The following CCDC178 variants were observed in gnomAD, a reference collection of about 807,000 sequenced individuals.
CCDC178 encodes the protein coiled-coil domain-containing protein 178.
Under a neutral mutation model 117.4 loss-of-function variants are expected in CCDC178, and 126 were observed. The observed-to-expected ratio is 1.07, with a 90% CI of 0.93 to 1.24. The LOEUF is 1.24. Ranked by LOEUF, CCDC178 falls within the 50% of genes most tolerant of loss-of-function variation. The probability of loss-of-function intolerance (pLI) is 0.00; values close to 1 mark genes in which losing one functional copy is unlikely to be tolerated. For synonymous variants in CCDC178, 283 were observed against 313.4 expected (o/e 0.90, Z 1.02); for missense variants, 1,030 against 986.9 (o/e 1.04, Z -0.59).
At chr18:33,222,867 A>G (rs970541207) in intron 18 of CCDC178, among the ~76,000 whole-genome samples, 1 of 151,948 alleles carries the variant, frequency 6.6e-6, no homozygotes, top group Non-Finnish European at 1.5e-5. Flanking sequence ...CCTTGTATTT[A>G]TCCTGATTAG....
intron 20 of CCDC178, among the ~76,000 whole-genome samples, chr18:33,148,664 A>G (rs1373122530): frequency 6.6e-6 from 1 of 152,148 alleles, no homozygotes; most frequent in African/African-American, 2.4e-5. Context: ...TTCCACAATG[A>G]AACACTAGGT....
chr18:33,086,969 GACACAC>G (rs71949744), intron 21 of CCDC178, among the ~76,000 whole-genome samples: 6,297 of 124,012 alleles, frequency 0.051, 155 homozygotes, highest in East Asian at 0.09. Flanking sequence ...GCTATTGGTT[GACACAC>G]ACACACACAC....
chr18:33,009,797 A>C (rs1357424616), intron 21 of CCDC178, among the ~76,000 whole-genome samples: 2 of 152,194 alleles, frequency 1.3e-5, no homozygotes, highest in Admixed American at 6.5e-5. Context: ...CTTTGAATAA[A>C]GGATGGTGTC....
chr18:33,255,437 G>A (rs4555222), intron 14 of CCDC178, among the ~76,000 whole-genome samples: 139,095 of 152,054 alleles, frequency 0.91, 63,710 homozygotes, highest in East Asian at 1. Flanking sequence ...AGCTGCTGAA[G>A]GAAAATAGTG....
intron 11 of CCDC178, among the ~76,000 whole-genome samples, chr18:33,317,522 T>C (rs898511562): frequency 6.6e-6 from 1 of 152,172 alleles, no homozygotes; most frequent in Non-Finnish European, 1.5e-5. Context: ...TTCACCACTT[T>C]ACCTCTCTTA....
At chr18:33,330,151 G>A (rs929384018) in intron 10 of CCDC178, among the ~76,000 whole-genome samples, 3 of 151,842 alleles carry the variant, frequency 2.0e-5, no homozygotes, top group Non-Finnish European at 2.9e-5. Context: ...GCCTCTCAGT[G>A]CTCATAATTC....
intron 11 of CCDC178, among the ~76,000 whole-genome samples, chr18:33,302,603 T>C (rs749665068): frequency 1.1e-4 from 17 of 152,148 alleles, no homozygotes; most frequent in Admixed American, 5.2e-4. Context: ...AGCCAAGATA[T>C]GGAATCAACC....
chr18:33,227,920 C>T (rs16964452), intron 15 of CCDC178, among the ~76,000 whole-genome samples: 9,457 of 152,114 alleles, frequency 0.062, 471 homozygotes, highest in African/African-American at 0.13. Flanking sequence ...AATAGATTAG[C>T]GACCTCTTCT....
chr18:33,136,284 A>G (rs2058125099), intron 20 of CCDC178, among the ~76,000 whole-genome samples: 1 of 152,178 alleles, frequency 6.6e-6, no homozygotes. Flanking sequence ...AAAAACTACT[A>G]CAAGAATAGC....
At chr18:33,289,562 C>G (rs1219329705) in intron 12 of CCDC178, among the ~76,000 whole-genome samples, 1 of 151,884 alleles carries the variant, frequency 6.6e-6, no homozygotes, top group Non-Finnish European at 1.5e-5. Flanking sequence ...TGCAGTGAGC[C>G]AAGATCGCAT....
chr18:32,978,776 C>T (rs968098317), intron 21 of CCDC178, among the ~76,000 whole-genome samples: 1 of 152,176 alleles, frequency 6.6e-6, no homozygotes, highest in Admixed American at 6.5e-5. Flanking sequence ...GTGGCTAACG[C>T]CTGTAATCCC....
intron 21 of CCDC178, among the ~76,000 whole-genome samples, chr18:33,015,916 A>G (rs1029716589): frequency 1.3e-5 from 2 of 152,198 alleles, no homozygotes; most frequent in African/African-American, 2.4e-5. Flanking sequence ...TAGAATCAGT[A>G]AACTTGAAAT....
rs1188182712 is a variant in CCDC178, at chr18:33,064,430, T to C, written c.2388+28331A>G. Among the ~76,000 whole-genome samples the C allele has an allele frequency of 2.6e-5, 4 of 152,148 alleles. No homozygotes were observed. The South Asian group carries it at 6.2e-4, about 24-fold the overall frequency. ...ACAATACCATTGAGCACTCCAACAA[T>C]AGACTAGATCAAACAAAAGAAATGA... On this transcript the variant is annotated intron_variant, in intron 21 of 22. Coordinates refer to ENST00000383096, the MANE Select transcript of CCDC178 (RefSeq NM_001105528.4).
chr18:33,342,672 A>T (rs1009647532), intron 9 of CCDC178, among the ~76,000 whole-genome samples: 1 of 152,120 alleles, frequency 6.6e-6, no homozygotes, highest in African/African-American at 2.4e-5. Context: ...GCTGACCTGA[A>T]CCCAACATAC....
At chr18:33,062,506 A>G (rs1290406797) in intron 21 of CCDC178, among the ~76,000 whole-genome samples, 1 of 152,190 alleles carries the variant, frequency 6.6e-6, no homozygotes, top group African/African-American at 2.4e-5. Context: ...AGGGAAGTAA[A>G]GCAGCCAACC....
intron 22 of CCDC178, among the ~76,000 whole-genome samples, chr18:32,972,119 C>G (rs191922775): frequency 1.9e-3 from 283 of 152,136 alleles, no homozygotes; most frequent in African/African-American, 6.6e-3. Context: ...ATGGTATTGC[C>G]TAGGTTTTCT....
rs2059718904 is a variant in CCDC178, at chr18:33,259,661, C to A, written c.1409+7255G>T. Among the ~76,000 whole-genome samples, 4 of 152,140 alleles carry A rather than the reference C, an allele frequency of 2.6e-5. No homozygotes were observed. The South Asian group carries it at 8.3e-4, about 32-fold the overall frequency. Reference sequence around the variant, plus strand: ...CCCATGATTCAATCACCCCCCCCCACCAGTCCCTCTCCCAACATGTGGGGA... The same window carrying A: ...CCCATGATTCAATCACCCCCCCCCAACAGTCCCTCTCCCAACATGTGGGGA... On this transcript the variant is annotated intron_variant, in intron 14 of 22. Transcript: ENST00000383096.
In CCDC178 at chr18:33,348,813, A is replaced by G. The variant is rs1295861085; in HGVS notation, c.457+77T>C. 8 of 886,946 alleles carry G rather than the reference A, an allele frequency of 9.0e-6. No homozygotes were observed. In the African/African-American group the frequency reaches 1.0e-4, roughly 11 times the overall value. The allele number at this position is 886,946 out of a possible 1,614,324, so 54.9% of individuals were successfully genotyped here. The stretch of plus-strand genomic sequence containing the variant: ...AAAATTCTTAAACATGATTATTGTG[A>G]CAATCAGAAATATATTAAATGAAGT... On this transcript the variant is annotated intron_variant, in intron 8 of 22. Transcript: ENST00000383096.
chr18:33,086,661 G>T (rs1415895323), intron 21 of CCDC178, among the ~76,000 whole-genome samples: 1 of 151,880 alleles, frequency 6.6e-6, no homozygotes, highest in Non-Finnish European at 1.5e-5. Flanking sequence ...TCTCTAAGAA[G>T]GGGATATAGT....
Sources: gnomAD v4.1 joint callset for allele counts (sites outside exome capture counted in the v4.1 genomes callset) on GRCh38, gnomAD v4.1.1 for gene constraint, MANE v1.5 for transcripts, NCBI Gene and HGNC (gene_info 2026-07-23, HGNC 2026-07-21) for gene names.